The following EDNRB variants were observed in gnomAD, a reference collection of about 807,000 sequenced individuals.
The protein encoded by EDNRB is endothelin receptor type B.
In EDNRB, 18 loss-of-function variants were observed where a neutral mutation model predicts 46.4. The observed-to-expected ratio is 0.39, with a 90% confidence interval of 0.27 to 0.57. EDNRB has a LOEUF of 0.57. Ranked by LOEUF, EDNRB falls within the 20% of genes least tolerant of loss-of-function variation. The pLI is 0.61. For synonymous variants in EDNRB, 213 were observed against 204.9 expected, an observed-to-expected ratio of 1.04 and a Z score of -0.34; for missense variants, 434 against 537.5, an observed-to-expected ratio of 0.81 and a Z score of 1.90.
intron 1 of EDNRB, among the ~76,000 whole-genome samples, chr13:77,905,721 T>G (rs1346920519): frequency 6.6e-6 from 1 of 151,896 alleles, no homozygotes; most frequent in Non-Finnish European, 1.5e-5. Context: ...TTGACTGAAA[T>G]AAGACAGTAA....
chr13:77,968,194 C>T (rs1881633939), intron 1 of EDNRB, among the ~76,000 whole-genome samples: 1 of 149,828 alleles, frequency 6.7e-6, no homozygotes, highest in Non-Finnish European at 1.5e-5. Context: ...AAGATTAGTT[C>T]ATAGGTTAGA....
upstream of EDNRB, chr13:77,919,667 G>T: frequency 1.3e-6 from 2 of 1,513,030 alleles, no homozygotes; most frequent in Non-Finnish European, 9.0e-7. Context: ...TTCCGACCCC[G>T]CTGCAACCTT....
At chr13:77,962,913 C>T (rs1358261896) in intron 1 of EDNRB, among the ~76,000 whole-genome samples, 5 of 152,166 alleles carry the variant, frequency 3.3e-5, no homozygotes, top group Non-Finnish European at 7.4e-5. Flanking sequence ...TGATAAACAA[C>T]TTCAGCAAAG....
At chr13:77,933,730 C>T (rs1267268810) in intron 1 of EDNRB, among the ~76,000 whole-genome samples, 3 of 151,892 alleles carry the variant, frequency 2.0e-5, no homozygotes, top group Admixed American at 6.6e-5. Context: ...AGATAATGGG[C>T]GATGTTTCTC....
rs538830098 is a variant in EDNRB at position 77,917,261 on chromosome 13, T to C, written c.483+830A>G. On this transcript the variant is annotated intron_variant, in intron 1 of 6. Transcript: ENST00000646607. ...ATCCTACCAGTCATCTGTAAACTAA[T>C]TGTAATATCTACTTGTGGGCTGCTG... Among the ~76,000 whole-genome samples the C allele has an allele frequency of 2.0e-5, 3 of 152,322 alleles. No homozygotes were observed. The South Asian group carries it at 6.2e-4, about 32-fold the overall frequency.
intron 1 of EDNRB, among the ~76,000 whole-genome samples, chr13:77,950,185 G>A (rs1881050752): frequency 1.3e-5 from 2 of 152,050 alleles, no homozygotes; most frequent in African/African-American, 2.4e-5. Context: ...AATTTTCCCG[G>A]GTCTTCAGAG....
intron 1 of EDNRB, among the ~76,000 whole-genome samples, chr13:77,969,002 A>G (rs1350282192): frequency 6.6e-6 from 1 of 152,190 alleles, no homozygotes; most frequent in Non-Finnish European, 1.5e-5. Context: ...TTGTAAAATG[A>G]CATCCATTGG....
At chr13:77,936,717 T>C (rs902126906) in intron 1 of EDNRB, among the ~76,000 whole-genome samples, 2 of 152,208 alleles carry the variant, frequency 1.3e-5, no homozygotes, top group African/African-American at 4.8e-5. Context: ...AGATGGGACA[T>C]GGCTTAGGAG....
intron 1 of EDNRB, among the ~76,000 whole-genome samples, chr13:77,948,627 G>A (rs980940419): frequency 3.9e-5 from 6 of 152,168 alleles, no homozygotes; most frequent in Non-Finnish European, 7.4e-5. Flanking sequence ...CAAGGCTGTC[G>A]AATGGAGTGA....
chr13:77,918,814 C>T lies in EDNRB; in HGVS notation c.-241G>A. 1.5e-6 allele frequency: 2 copies of T among 1,307,430 alleles called. No individual in the cohort carries two copies. Among genetic ancestry groups the T allele is most frequent in the Non-Finnish European group, 1.9e-6 (2 of 1,032,918 alleles). 81.0% of individuals were successfully genotyped at this position (1,307,430 alleles called of 1,614,324 possible). On this transcript the variant is annotated 5_prime_UTR_variant, in exon 1 of 7. Coordinates refer to ENST00000646607, the MANE Select transcript of EDNRB (RefSeq NM_001122659.3). This position sits in a 1 kb window ranked among gnomAD's most constrained non-coding sequence, Gnocchi z 4.5. Reference sequence around the variant, plus strand: ...CGGGTCGAAACTCCTTCCTGATGCCCTCTCAGCTGTTTTTCTTCCCCCGCG... The same window carrying T: ...CGGGTCGAAACTCCTTCCTGATGCCTTCTCAGCTGTTTTTCTTCCCCCGCG...
chr13:77,938,910 G>T (rs565873708), intron 1 of EDNRB, among the ~76,000 whole-genome samples: 1 of 152,200 alleles, frequency 6.6e-6, no homozygotes, highest in Non-Finnish European at 1.5e-5. Context: ...TTTTCACAGA[G>T]CAAAGAGCAG....
At chr13:77,906,460 A>G (rs1303204617) in intron 1 of EDNRB, among the ~76,000 whole-genome samples, 1 of 152,032 alleles carries the variant, frequency 6.6e-6, no homozygotes, top group Non-Finnish European at 1.5e-5. Context: ...TTCAATGAAT[A>G]CAATGTGACA....
At chr13:77,932,814 C>G (rs1467471082) in intron 1 of EDNRB, among the ~76,000 whole-genome samples, 1 of 152,128 alleles carries the variant, frequency 6.6e-6, no homozygotes, top group Non-Finnish European at 1.5e-5. Flanking sequence ...AAACAGAGCT[C>G]AACTTTAATG....
In EDNRB at chr13:77,897,870, G is replaced by A; in HGVS notation, c.*330C>T. On this transcript the variant is annotated 3_prime_UTR_variant, in exon 7 of 7. Transcript: ENST00000646607. Reference sequence around the variant, plus strand: ...TTAAAAATAAATCTCTTTTTAGAAAGAATAGAAATTCTGAGTGAGCTCATT... The same window carrying A: ...TTAAAAATAAATCTCTTTTTAGAAAAAATAGAAATTCTGAGTGAGCTCATT... 2.9e-6 allele frequency: 3 copies of A among 1,036,486 alleles called. No individual in the cohort carries two copies. Among genetic ancestry groups the A allele is most frequent in the Non-Finnish European group, 3.5e-6 (3 of 861,504 alleles). The allele number at this position is 1,036,486 out of a possible 1,614,324, so 64.2% of individuals were successfully genotyped here. A position where few individuals can be genotyped will look rare whatever the true frequency, so the allele number is the denominator to read the frequency against.
intron 1 of EDNRB, among the ~76,000 whole-genome samples, chr13:77,926,329 T>G (rs541696981): frequency 1.3e-5 from 2 of 152,332 alleles, no homozygotes; most frequent in Admixed American, 6.5e-5. Context: ...TATGCTCTGT[T>G]TCACTTTTAA....
At chr13:77,900,350 C>A (rs993992052) in intron 5 of EDNRB, among the ~76,000 whole-genome samples, 171 bp downstream of exon 5, 6 of 151,750 alleles carry the variant, frequency 4.0e-5, no homozygotes, top group African/African-American at 1.5e-4. Context: ...GTTCTTCATA[C>A]CCCCCCTTCC....
chr13:77,913,631 G>T (rs116148010), intron 1 of EDNRB, among the ~76,000 whole-genome samples: 2 of 152,116 alleles, frequency 1.3e-5, no homozygotes, highest in African/African-American at 4.8e-5. Context: ...AGTAATTTAA[G>T]AACTCACTAT....
chr13:77,933,310 C>T (rs980489449), intron 1 of EDNRB, among the ~76,000 whole-genome samples: 2 of 152,018 alleles, frequency 1.3e-5, no homozygotes, highest in African/African-American at 2.4e-5. Flanking sequence ...AGGCTGAGTC[C>T]GAAAAGAGAG....
At chr13:77,911,172 A>G (rs936040538) in intron 1 of EDNRB, among the ~76,000 whole-genome samples, 7 of 152,050 alleles carry the variant, frequency 4.6e-5, no homozygotes, top group Admixed American at 4.6e-4. Context: ...TTATTAGTTC[A>G]CTTATCTGAG....
Sources: gnomAD v4.1 joint callset for allele counts (sites outside exome capture counted in the v4.1 genomes callset) on GRCh38, gnomAD v4.1.1 for gene constraint, Gnocchi (gnomAD v3.1) non-coding constraint, MANE v1.5 for transcripts, NCBI Gene and HGNC (gene_info 2026-07-23, HGNC 2026-07-21) for gene names.